Variants in DDX55 observed in about 807,000 individuals in gnomAD.
The protein encoded by DDX55 is ATP-dependent RNA helicase DDX55.
In DDX55, 56 loss-of-function variants were observed where a neutral mutation model predicts 69.2. The ratio of observed to expected loss-of-function variants is 0.81; its 90% confidence interval spans 0.65 to 1.01. The LOEUF is 1.01. Ranked by LOEUF, DDX55 falls within the 50% of genes least tolerant of loss-of-function variation. The pLI is 0.00. For missense variants in DDX55, 720 were observed against 745.1 expected, an observed-to-expected ratio of 0.97 and a Z score of 0.39; for synonymous variants, 268 against 273.1, an observed-to-expected ratio of 0.98 and a Z score of 0.18.
rs1665165217 is a variant in DDX55, at chr12:123,602,246, C to T, written c.98C>T (p.Thr33Met). 1.3e-6 allele frequency: 2 copies of T among 1,564,160 alleles called. No homozygotes were observed. Among genetic ancestry groups the T allele is most frequent in the African/African-American group, 1.4e-5 (1 of 73,860 alleles). The change falls in exon 1 of 14, where the codon ACG becomes ATG. Residue 33 changes from threonine to methionine, a missense_variant. By Grantham distance (81) the Thr-to-Met change is moderately conservative. Coordinates refer to ENST00000238146, the MANE Select transcript of DDX55 (RefSeq NM_020936.3). ...ALRELGFPYM[T>M]PVQSATIPLF... The stretch of plus-strand genomic sequence containing the variant: ...CGGGAGCTGGGCTTCCCGTACATGA[C>T]GCCGGTGCAGGTATCGGTTCCCTGG...
At chr12:123,612,981 A>G (rs884892) in intron 7 of DDX55, among the ~76,000 whole-genome samples, 189 bp from the exon 8 acceptor site, 35,097 of 150,718 alleles carry the variant, frequency 0.23, 5,125 homozygotes, top group African/African-American at 0.42. Flanking sequence ...ATACAAATTA[A>G]CTTTTACAGG....
rs780322216 is a variant in DDX55 at position 123,617,831 on chromosome 12, A to G, written c.1123A>G (p.Met375Val). The change falls in exon 11 of 14, where the codon ATG becomes GTG. Residue 375 changes from methionine (M) to valine (V), a missense_variant. Physicochemically the swap from Met to Val is conservative, Grantham distance 21 (BLOSUM62 1). Coordinates refer to ENST00000238146, the MANE Select transcript of DDX55 (RefSeq NM_020936.3). Reference sequence around the variant, plus strand: ...CAGCGCTCTGGTGTTCCTCCTGCCCATGGAAGAGTCATACATCAATTTCCT... The same window carrying G: ...CAGCGCTCTGGTGTTCCTCCTGCCCGTGGAAGAGTCATACATCAATTTCCT... Reference protein sequence around the residue: ...GGSALVFLLPMEESYINFLAI... With the variant: ...GGSALVFLLPVEESYINFLAI... 8 of 1,614,050 alleles carry G rather than the reference A, an allele frequency of 5.0e-6. No homozygotes were observed. The highest frequency in any genetic ancestry group is 2.2e-5 in the East Asian group (1 of 44,890).
chr12:123,616,693 C>T, intron 10 of DDX55, 90 bp downstream of exon 10: 1 of 1,351,490 alleles, frequency 7.4e-7, no homozygotes, highest in South Asian at 1.2e-5. Context: ...TAATGATGTT[C>T]ACTGAAACAT....
At chr12:123,612,916 G>C (rs916003661) in intron 7 of DDX55, among the ~76,000 whole-genome samples, 1 of 152,096 alleles carries the variant, frequency 6.6e-6, no homozygotes, top group Non-Finnish European at 1.5e-5. Context: ...ATTGGGAGTT[G>C]GGAACTGTTG....
chr12:123,610,032 G>A lies in DDX55; in HGVS notation c.645G>A (p.Ala215=), dbSNP rs1322582650. 14 of 1,614,130 alleles carry A rather than the reference G, an allele frequency of 8.7e-6. No individual in the cohort carries two copies. Among genetic ancestry groups the A allele is most frequent in the African/African-American group, 1.3e-5 (1 of 75,018 alleles). ...AGGAAGTGGAGAACCTGGTGAGAGC[G>A]GGCCTCCGGAACCCTGTCCGGGTCT... ...QTQEVENLVR[A]GLRNPVRVSV... The change falls in exon 7 of 14, where the codon GCG becomes GCA. Residue 215 remains alanine (A), a synonymous_variant. Coordinates refer to ENST00000238146, the MANE Select transcript of DDX55 (RefSeq NM_020936.3).
intron 6 of DDX55, 73 bp downstream of exon 6, chr12:123,608,902 T>C (rs562779185): frequency 1.2e-5 from 16 of 1,345,590 alleles, no homozygotes; most frequent in Admixed American, 5.5e-5. Flanking sequence ...AAATGGAGTT[T>C]ACTGTTTCAT....
chr12:123,613,352 T>TCCGGAATGC (rs1954409946), intron 8 of DDX55, 100 bp downstream of exon 8: 3 of 1,174,870 alleles, frequency 2.6e-6, no homozygotes, highest in Non-Finnish European at 3.6e-6. Flanking sequence ...CATGGTTCTC[T>TCCGGAATGC]CCGGAATGCT....
intron 3 of DDX55, among the ~76,000 whole-genome samples, chr12:123,606,630 A>C: frequency 7.1e-6 from 1 of 141,584 alleles, no homozygotes; most frequent in Admixed American, 7.5e-5. Context: ...TTGCTCTGTC[A>C]CCCAGGCTGG....
intron 1 of DDX55, 121 bp downstream of exon 1, chr12:123,602,377 C>T: frequency 1.0e-6 from 1 of 956,592 alleles, no homozygotes; most frequent in Admixed American, 3.2e-5. Flanking sequence ...CCAGCTGGGG[C>T]TCTTGCCTTG....
At chr12:123,612,833 A>G (rs1007172361) in intron 7 of DDX55, among the ~76,000 whole-genome samples, 1 of 141,792 alleles carries the variant, frequency 7.1e-6, no homozygotes, top group Non-Finnish European at 1.5e-5. Flanking sequence ...GAAAAAAAAA[A>G]AAGAAGAAAA....
rs1954565652 is a variant in DDX55, at chr12:123,615,221, G to C, written c.861G>C (p.Leu287=). The part of the protein sequence containing the change: ...CACVEYYGKA[L]EVLVKGVKIM... The stretch of plus-strand genomic sequence containing the variant: ...GTGTGGAATACTATGGGAAGGCTCT[G>C]GAAGTGCTGGTGAAGGGCGTGAAGA... The change falls in exon 9 of 14, where the codon CTG becomes CTC. Residue 287 remains leucine (L), a synonymous_variant. Coordinates refer to ENST00000238146, the MANE Select transcript of DDX55 (RefSeq NM_020936.3). 6.2e-7 allele frequency: 1 copy of C among 1,614,040 alleles called. No individual in the cohort carries two copies. The highest frequency in any genetic ancestry group is 1.7e-5 in the Admixed American group (1 of 60,010).
rs751841840 is a variant in DDX55, at chr12:123,618,642, G to A, written c.1165-27G>A. The A allele has an allele frequency of 5.6e-6, 9 of 1,601,298 alleles. No individual in the cohort carries two copies. In the East Asian group the frequency reaches 1.8e-4, roughly 32 times the overall value. On this transcript the variant is annotated intron_variant, in intron 11 of 13. Transcript: ENST00000238146. ...GGATATGATGCCAGCCAGGGAAGGT[G>A]AGAATGTGGTATGTGTGTGTGTGTA... is the stretch of plus-strand genomic sequence containing the variant.
intron 3 of DDX55, among the ~76,000 whole-genome samples, chr12:123,607,144 T>G (rs1216779356): frequency 6.6e-6 from 1 of 152,260 alleles, no homozygotes; most frequent in Non-Finnish European, 1.5e-5. Context: ...AAAAATGTCA[T>G]GCCCAAAGAC....
rs1566211530 is a variant in DDX55 at position 123,620,617 on chromosome 12, T to TAA, written c.*478_*479insAA. On this transcript the variant is annotated 3_prime_UTR_variant, in exon 14 of 14. Coordinates refer to ENST00000238146, the MANE Select transcript of DDX55 (RefSeq NM_020936.3). ...ATATATATATATATATATATATATA[T>TAA]ATATATATATAAGCTCTTTTTTCTG... is the stretch of plus-strand genomic sequence containing the variant. The TAA allele has an allele frequency of 4.1e-5, 5 of 122,814 alleles. No homozygotes were observed. Among genetic ancestry groups the TAA allele is most frequent in the African/African-American group, 1.7e-4 (5 of 29,158 alleles). The allele number at this position is 122,814 out of a possible 1,614,324, so 7.6% of individuals were successfully genotyped here.
intron 1 of DDX55, among the ~76,000 whole-genome samples, chr12:123,604,532 A>G (rs1482193013): frequency 6.6e-6 from 1 of 152,102 alleles, no homozygotes; most frequent in Non-Finnish European, 1.5e-5. Context: ...GCAAGACCCA[A>G]TCTCTGGCCT....
rs1441559719 is a variant in DDX55, at chr12:123,605,915, C to A, written c.109-16C>A. 6.2e-7 allele frequency: 1 copy of A among 1,614,150 alleles called. No individual in the cohort carries two copies. Among genetic ancestry groups the A allele is most frequent in the Admixed American group, 1.7e-5 (1 of 60,010 alleles). ...ATGGCATCCTTTAACCAGTGCTTTG[C>A]AATCTCTCTCTTTAGTCCGCAACCA... On this transcript the variant is annotated splice_polypyrimidine_tract_variant and intron_variant, in intron 1 of 13. Transcript: ENST00000238146.
chr12:123,620,580 T>TTA lies in DDX55; in HGVS notation c.*487_*488dup, dbSNP rs68169681. On this transcript the variant is annotated 3_prime_UTR_variant, in exon 14 of 14. Coordinates refer to ENST00000238146, the MANE Select transcript of DDX55 (RefSeq NM_020936.3). ...GGTCACATATAGACATATGTACATA[T>TTA]TATATATATATATATATATATATAT... 1,317 of 64,006 alleles carry TTA rather than the reference T, an allele frequency of 0.021. 44 individuals carry two copies. The highest frequency in any genetic ancestry group is 0.036 in the East Asian group (26 of 714). 4.0% of individuals were successfully genotyped at this position (64,006 alleles called of 1,614,324 possible).
At position 123,605,981 on chromosome 12, in the gene DDX55, G is replaced by A. The variant is rs889819160; in HGVS notation, c.159G>A (p.Ala53=). The A allele has an allele frequency of 1.4e-5, 22 of 1,614,042 alleles. No individual in the cohort carries two copies. Among genetic ancestry groups the A allele is most frequent in the East Asian group, 2.2e-5 (1 of 44,894 alleles). ...FMRNKDVAAE[A]VTGSGKTLAF... Reference sequence around the variant, plus strand: ...GAAACAAAGATGTCGCTGCAGAAGCGGTGAGTGCCTCGGGTATGTGCAGCC... The same window carrying A: ...GAAACAAAGATGTCGCTGCAGAAGCAGTGAGTGCCTCGGGTATGTGCAGCC... The change falls in exon 2 of 14, where the codon GCG becomes GCA. Residue 53 remains alanine, a splice_region_variant and synonymous_variant. Coordinates refer to ENST00000238146, the MANE Select transcript of DDX55 (RefSeq NM_020936.3).
rs1954409404 is a variant in DDX55, at chr12:123,613,341, G to T, written c.824+89G>T. 7.0e-6 allele frequency: 9 copies of T among 1,293,204 alleles called. No homozygotes were observed. The East Asian group carries it at 1.9e-4, about 27-fold the overall frequency. 80.1% of individuals were successfully genotyped at this position (1,293,204 alleles called of 1,614,324 possible). A position where few individuals can be genotyped will look rare whatever the true frequency, so the allele number is the denominator to read the frequency against. On this transcript the variant is annotated intron_variant, in intron 8 of 13. Transcript: ENST00000238146. ...GCCTTTGGGTTTTGGATTCCATCTA[G>T]CATGGTTCTCTCCGGAATGCTTTTG...
Sources: gnomAD v4.1 joint callset for allele counts (sites outside exome capture counted in the v4.1 genomes callset) on GRCh38, gnomAD v4.1.1 for gene constraint, MANE v1.5 for transcripts, NCBI Gene and HGNC (gene_info 2026-07-23, HGNC 2026-07-21) for gene names.